The following IGFL2 variants were observed in gnomAD, a reference collection of about 807,000 sequenced individuals.
IGFL2 encodes insulin growth factor-like family member 2.
In IGFL2, 7 loss-of-function variants were observed where a neutral mutation model predicts 13.9. That is an observed-to-expected ratio of 0.51 (90% confidence interval 0.29 to 0.95). The LOEUF is 0.95. Ranked by LOEUF, IGFL2 falls within the 40% of genes least tolerant of loss-of-function variation. IGFL2 has a pLI of 0.08. For missense variants in IGFL2, 138 were observed against 147.8 expected, an observed-to-expected ratio of 0.93 and a Z score of 0.34; for synonymous variants, 55 against 55.8, an observed-to-expected ratio of 0.99 and a Z score of 0.07.
At chr19:46,086,850 A>G in the IGFL2 span, among the ~76,000 whole-genome samples, 1 of 152,060 alleles carries the variant, frequency 6.6e-6, no homozygotes, top group African/African-American at 2.4e-5. Flanking sequence ...GATTGTGGGT[A>G]CATGCAGTAG....
At chr19:46,154,578 G>A (rs1973705388) in intron 1 of IGFL2, among the ~76,000 whole-genome samples, 1 of 152,026 alleles carries the variant, frequency 6.6e-6, no homozygotes, top group African/African-American at 2.4e-5. Context: ...CAAGTAGCTG[G>A]AACTACAGGC....
chr19:46,109,117 C>A, the IGFL2 span, among the ~76,000 whole-genome samples: 2 of 152,268 alleles, frequency 1.3e-5, no homozygotes, highest in Admixed American at 1.3e-4. Flanking sequence ...GACCACCAAA[C>A]AGGCTTTGTG....
the IGFL2 span, among the ~76,000 whole-genome samples, chr19:46,194,852 A>ATTTTTTTTTTTTTTTTTTTTTTTT: frequency 3.2e-5 from 1 of 31,596 alleles, no homozygotes; most frequent in African/African-American, 1.3e-4. Flanking sequence ...ATATATATAT[A>ATTTTTTTTTTTTTTTTTTTTTTTT]TTTTTTTTTT....
chr19:46,136,421 T>C, the IGFL2 span, among the ~76,000 whole-genome samples: 1 of 152,182 alleles, frequency 6.6e-6, no homozygotes, highest in African/African-American at 2.4e-5. Flanking sequence ...TGCTATAGGT[T>C]CTTTAAGAAT....
intron 1 of IGFL2, among the ~76,000 whole-genome samples, chr19:46,149,311 C>T (rs1212425435): frequency 8.1e-6 from 1 of 123,382 alleles, no homozygotes; most frequent in African/African-American, 3.1e-5. Flanking sequence ...CTCTCCCCCT[C>T]CCCCTCCCCT....
chr19:46,174,239 T>G, the IGFL2 span, among the ~76,000 whole-genome samples: 1 of 152,192 alleles, frequency 6.6e-6, no homozygotes, highest in Non-Finnish European at 1.5e-5. Flanking sequence ...CAGTGCAAAG[T>G]GAACATGCAG....
the IGFL2 span, among the ~76,000 whole-genome samples, chr19:46,202,165 A>T: frequency 6.6e-6 from 1 of 152,176 alleles, no homozygotes; most frequent in Non-Finnish European, 1.5e-5. Flanking sequence ...AAGATCTGGA[A>T]TGAGTCACAT....
At chr19:46,175,712 T>A in the IGFL2 span, among the ~76,000 whole-genome samples, 1 of 151,970 alleles carries the variant, frequency 6.6e-6, no homozygotes. Context: ...CTAATTTTTT[T>A]GTATTTTTAG....
At chr19:46,169,753 C>T in the IGFL2 span, among the ~76,000 whole-genome samples, 1 of 148,920 alleles carries the variant, frequency 6.7e-6, no homozygotes. Context: ...AAGGCTGAGG[C>T]AGGAGAATTG....
the IGFL2 span, among the ~76,000 whole-genome samples, chr19:46,174,586 A>C: frequency 5.3e-5 from 8 of 152,218 alleles, no homozygotes; most frequent in Non-Finnish European, 1.0e-4. Context: ...CCTAGTGACA[A>C]GTAAAGGCAC....
the IGFL2 span, among the ~76,000 whole-genome samples, chr19:46,100,309 A>C: frequency 0.013 from 2,020 of 152,294 alleles, 31 homozygotes; most frequent in Middle Eastern, 0.027. Context: ...AATGACAAGA[A>C]AAGTCTCAAT....
At chr19:46,170,948 T>C in the IGFL2 span, among the ~76,000 whole-genome samples, 1 of 152,234 alleles carries the variant, frequency 6.6e-6, no homozygotes, top group African/African-American at 2.4e-5. Flanking sequence ...CCTGACCTTC[T>C]GCCCTTGTGA....
At chr19:46,142,301 G>C (rs977491441), upstream of IGFL2, among the ~76,000 whole-genome samples, 1 of 152,150 alleles carries the variant, frequency 6.6e-6, no homozygotes, top group Admixed American at 6.6e-5. Context: ...ATTATTTTAA[G>C]TGACAAAAAT....
the IGFL2 span, among the ~76,000 whole-genome samples, chr19:46,106,315 G>T: frequency 0.21 from 31,343 of 151,990 alleles, 5,075 homozygotes; most frequent in African/African-American, 0.45. Flanking sequence ...GGCTATAAAG[G>T]AGAAGGTTGT....
the IGFL2 span, among the ~76,000 whole-genome samples, chr19:46,179,840 C>A: frequency 6.6e-6 from 1 of 152,014 alleles, no homozygotes; most frequent in Non-Finnish European, 1.5e-5. Flanking sequence ...TGCTTGATCC[C>A]GGGAGGTGGA....
At chr19:46,193,125 G>A in the IGFL2 span, among the ~76,000 whole-genome samples, 2 of 152,160 alleles carry the variant, frequency 1.3e-5, no homozygotes, top group Admixed American at 6.5e-5. Flanking sequence ...CCGAGAGGTG[G>A]AAGTTGCAGT....
At chr19:46,096,553 C>T in the IGFL2 span, among the ~76,000 whole-genome samples, 1 of 152,028 alleles carries the variant, frequency 6.6e-6, no homozygotes, top group Non-Finnish European at 1.5e-5. Flanking sequence ...GCTTCCAATA[C>T]TATGTTGAAC....
chr19:46,156,808 T>C (rs1973849363), intron 1 of IGFL2, among the ~76,000 whole-genome samples: 1 of 151,964 alleles, frequency 6.6e-6, no homozygotes, highest in Non-Finnish European at 1.5e-5. Flanking sequence ...TCGATAAAAT[T>C]GAAAACAGAA....
the IGFL2 span, chr19:46,137,680 T>G: frequency 1.7e-6 from 1 of 572,984 alleles, no homozygotes; most frequent in Non-Finnish European, 3.1e-6. Context: ...TGGCCCAGCC[T>G]TGGTCCCCGG....
Sources: gnomAD v4.1 joint callset for allele counts (sites outside exome capture counted in the v4.1 genomes callset) on GRCh38, gnomAD v4.1.1 for gene constraint, MANE v1.5 for transcripts, NCBI Gene and HGNC (gene_info 2026-07-23, HGNC 2026-07-21) for gene names.